The following PRR5L variants were observed in gnomAD, a reference collection of about 807,000 sequenced individuals.
The protein encoded by PRR5L is proline rich 5 like, also known as proline-rich protein 5-like.
A neutral mutation model predicts 36.4 loss-of-function variants in PRR5L; 21 were observed. The observed-to-expected ratio is 0.58, with a 90% CI of 0.41 to 0.83. The LOEUF (loss-of-function observed/expected upper bound fraction) is 0.83. Among genes scored for constraint, PRR5L ranks in the 40% least tolerant of loss-of-function variants. PRR5L has a pLI of 0.00. For synonymous variants in PRR5L, 188 were observed against 197.0 expected, an observed-to-expected ratio of 0.95 and a Z score of 0.38; for missense variants, 381 against 473.3, an observed-to-expected ratio of 0.80 and a Z score of 1.81.
Position 36,321,613 on chromosome 11 carries a change from A to T in PRR5L, c.-126+25175A>T, listed in dbSNP as rs1856614407. ...ACAGAAGCAGCATGCCCTGAAAGAA[A>T]CAAAGATTGGCAAAGGTTAGGCATC... On this transcript the variant is annotated intron_variant, in intron 1 of 8. Coordinates refer to ENST00000530639, the MANE Select transcript of PRR5L (RefSeq NM_001160167.2). The T allele has an allele frequency of 3.3e-5, 5 of 152,386 alleles. No homozygotes were observed. In the South Asian group the frequency reaches 1.0e-3, roughly 32 times the overall value. 9.4% of individuals were successfully genotyped at this position (152,386 alleles called of 1,614,324 possible).
intron 5 of PRR5L, among the ~76,000 whole-genome samples, chr11:36,436,552 G>A (rs1030522333): frequency 3.3e-5 from 5 of 152,200 alleles, no homozygotes; most frequent in Admixed American, 2.6e-4. Flanking sequence ...CCTTTTCAGA[G>A]AATGCTGCCT....
At chr11:36,333,862 G>A (rs1856742698) in intron 1 of PRR5L, among the ~76,000 whole-genome samples, 1 of 152,158 alleles carries the variant, frequency 6.6e-6, no homozygotes, top group African/African-American at 2.4e-5. Flanking sequence ...AATGGATGCA[G>A]GGGTTTATTG....
chr11:36,391,118 C>T (rs1857555302), intron 1 of PRR5L, among the ~76,000 whole-genome samples: 1 of 152,218 alleles, frequency 6.6e-6, no homozygotes, highest in Admixed American at 6.5e-5. Context: ...CATCAGATGG[C>T]ATGGCTGTTT....
intron 4 of PRR5L, among the ~76,000 whole-genome samples, chr11:36,423,130 A>T (rs1310918008): frequency 6.6e-6 from 1 of 152,196 alleles, no homozygotes; most frequent in African/African-American, 2.4e-5. Context: ...ATAGAAACTC[A>T]GGCTAGAGTC....
intron 3 of PRR5L, among the ~76,000 whole-genome samples, chr11:36,412,816 C>T (rs1858054420): frequency 6.6e-6 from 1 of 152,022 alleles, no homozygotes; most frequent in Non-Finnish European, 1.5e-5. Flanking sequence ...CTCATAGGGC[C>T]CAGGAGAAAT....
chr11:36,459,093 A>G (rs569283879), intron 8 of PRR5L, among the ~76,000 whole-genome samples: 4 of 152,292 alleles, frequency 2.6e-5, no homozygotes, highest in Admixed American at 2.0e-4. Context: ...TGTTTCTCCC[A>G]TGGCCGTGCC....
intron 1 of PRR5L, chr11:36,393,824 C>T (rs1456526804): frequency 6.6e-6 from 1 of 152,120 alleles, no homozygotes; most frequent in Non-Finnish European, 1.5e-5. Flanking sequence ...AATGTCTTTC[C>T]ATTTTTGTGT....
chr11:36,463,381 C>T lies in PRR5L; in HGVS notation c.*645C>T, dbSNP rs773896961. On this transcript the variant is annotated 3_prime_UTR_variant, in exon 9 of 9. Coordinates refer to ENST00000530639, the MANE Select transcript of PRR5L (RefSeq NM_001160167.2). ...TCCTATGTGCTGCTTGCACAGAGGC[C>T]TTTGGCTTTTGACCCAGGAGGGCCG... 6.6e-6 allele frequency: 1 copy of T among 152,202 alleles called. No homozygotes were observed. Among genetic ancestry groups the T allele is most frequent in the Non-Finnish European group, 1.5e-5 (1 of 68,050 alleles). The allele number at this position is 152,202 out of a possible 1,614,324, so 9.4% of individuals were successfully genotyped here. A position where few individuals can be genotyped will look rare whatever the true frequency, so the allele number is the denominator to read the frequency against.
chr11:36,423,717 A>G (rs1296568192), intron 4 of PRR5L, among the ~76,000 whole-genome samples: 1 of 152,216 alleles, frequency 6.6e-6, no homozygotes, highest in Non-Finnish European at 1.5e-5. Flanking sequence ...GGGGGCTTTG[A>G]ACAAGTGGAG....
chr11:36,446,738 G>C lies in PRR5L; in HGVS notation c.585+298G>C, dbSNP rs137873722. ...TTTTCCCCTCTCCAGTGATGCCAGG[G>C]AGCCACAAGTTGCAAGTCACAGCAA... On this transcript the variant is annotated intron_variant, in intron 7 of 8. Transcript: ENST00000530639. 1.2e-3 allele frequency among the ~76,000 whole-genome samples: 177 copies of C among 152,180 alleles called. 3 individuals are homozygous for C. The East Asian group carries it at 0.032, about 27-fold the overall frequency.
intron 1 of PRR5L, among the ~76,000 whole-genome samples, chr11:36,328,909 A>G (rs1202872744): frequency 6.6e-6 from 1 of 152,212 alleles, no homozygotes; most frequent in Non-Finnish European, 1.5e-5. Context: ...TAATTGCCCC[A>G]TATTCCATTT....
At chr11:36,381,901 G>C (rs1189917030) in intron 1 of PRR5L, among the ~76,000 whole-genome samples, 1 of 151,964 alleles carries the variant, frequency 6.6e-6, no homozygotes, top group Non-Finnish European at 1.5e-5. Context: ...GCTCACATCT[G>C]TAATCCCAGC....
intron 8 of PRR5L, among the ~76,000 whole-genome samples, chr11:36,454,986 C>T (rs1004944867): frequency 2.0e-5 from 3 of 152,246 alleles, no homozygotes; most frequent in African/African-American, 7.2e-5. Flanking sequence ...CCCCATCTTT[C>T]AAGTCCCCGA....
At chr11:36,298,645 C>T (rs10836529) in intron 1 of PRR5L, among the ~76,000 whole-genome samples, 58,554 of 152,040 alleles carry the variant, frequency 0.39, 11,786 homozygotes, top group East Asian at 0.5. Context: ...TCTCTCTGTC[C>T]CTGCTGTGTG....
In PRR5L at chr11:36,462,438, C is replaced by A; in HGVS notation, c.809C>A (p.Thr270Asn). 6.2e-7 allele frequency: 1 copy of A among 1,603,630 alleles called. No homozygotes were observed. Among genetic ancestry groups the A allele is most frequent in the Non-Finnish European group, 8.5e-7 (1 of 1,174,508 alleles). The change falls in exon 9 of 9, where the codon ACC becomes AAC. Residue 270 changes from threonine to asparagine, a missense_variant. By Grantham distance (65) the Thr-to-Asn change is moderately conservative. Transcript: ENST00000530639. ...VSRPLNEMVL[T>N]PLTEQEGEAY... is the part of the protein sequence containing the mutation. ...CGGCCACTGAATGAGATGGTCTTGA[C>A]CCCACTGACAGAGCAGGAGGGGGAA...
rs150137285 is a variant in PRR5L at position 36,344,344 on chromosome 11, T to C, written c.-126+47906T>C. Reference sequence around the variant, plus strand: ...TGTATTACTTCCAGACCTATTTCCATGCACATTTAGTTGAGATTGCACTGT... The same window carrying C: ...TGTATTACTTCCAGACCTATTTCCACGCACATTTAGTTGAGATTGCACTGT... On this transcript the variant is annotated intron_variant, in intron 1 of 8. Transcript: ENST00000530639. The surrounding 1 kb of genome is among the most constrained non-coding windows in gnomAD (Gnocchi z 4.1). 7.2e-5 allele frequency among the ~76,000 whole-genome samples: 11 copies of C among 152,382 alleles called. No individual in the cohort carries two copies. The highest frequency in any genetic ancestry group is 2.2e-4 in the African/African-American group (9 of 41,592).
At chr11:36,387,133 C>T (rs1857472681) in intron 1 of PRR5L, among the ~76,000 whole-genome samples, 1 of 151,994 alleles carries the variant, frequency 6.6e-6, no homozygotes, top group African/African-American at 2.4e-5. Flanking sequence ...GTATATAATA[C>T]ATAGGGGAGT....
chr11:36,427,636 C>T (rs1275501177), intron 4 of PRR5L, among the ~76,000 whole-genome samples: 5 of 152,158 alleles, frequency 3.3e-5, no homozygotes, highest in African/African-American at 4.8e-5. Context: ...GGTTTCGCCC[C>T]GCCTTCAACC....
At chr11:36,405,928 C>T (rs1042451937) in intron 3 of PRR5L, among the ~76,000 whole-genome samples, 1 of 152,188 alleles carries the variant, frequency 6.6e-6, no homozygotes, top group Non-Finnish European at 1.5e-5. Context: ...ATGACCTCAT[C>T]TAAACCCAAG....
Sources: gnomAD v4.1 joint callset for allele counts (sites outside exome capture counted in the v4.1 genomes callset) on GRCh38, gnomAD v4.1.1 for gene constraint, Gnocchi (gnomAD v3.1) non-coding constraint, MANE v1.5 for transcripts, NCBI Gene and HGNC (gene_info 2026-07-23, HGNC 2026-07-21) for gene names.